The following SCAMP2 variants were observed in gnomAD, a reference collection of about 807,000 sequenced individuals.
SCAMP2 encodes the protein secretory carrier-associated membrane protein 2.
In SCAMP2, 25 loss-of-function variants were observed where a neutral mutation model predicts 44.1. That is an observed-to-expected ratio of 0.57 (90% CI 0.41 to 0.79). SCAMP2 has a LOEUF of 0.79. Among genes scored for constraint, SCAMP2 ranks in the 30% least tolerant of loss-of-function variants. The pLI, the probability that SCAMP2 is intolerant of heterozygous loss-of-function variation, is 0.00. For missense variants in SCAMP2, 355 were observed against 411.0 expected, an observed-to-expected ratio of 0.86 and a Z score of 1.18; for synonymous variants, 156 against 166.0, an observed-to-expected ratio of 0.94 and a Z score of 0.46.
chr15:74,858,473 A>C (rs913203307), intron 1 of SCAMP2, among the ~76,000 whole-genome samples: 3 of 152,150 alleles, frequency 2.0e-5, no homozygotes, highest in Non-Finnish European at 4.4e-5. Flanking sequence ...GAAAAGCTAC[A>C]ATACAGCTCC....
intron 1 of SCAMP2, among the ~76,000 whole-genome samples, chr15:74,862,263 C>CAAAAA (rs1206712618): frequency 0.39 from 5,942 of 15,408 alleles, 2,345 homozygotes; most frequent in Non-Finnish European, 0.5. Flanking sequence ...ACTCTGTCTC[C>CAAAAA]AAAAAAAAAA....
intron 1 of SCAMP2, among the ~76,000 whole-genome samples, chr15:74,859,274 AG>A (rs2064487152): frequency 6.6e-6 from 1 of 152,226 alleles, no homozygotes; most frequent in Non-Finnish European, 1.5e-5. Context: ...TTCAGCAACC[AG>A]CTACAGTGTG....
intron 1 of SCAMP2, among the ~76,000 whole-genome samples, chr15:74,862,833 A>C (rs953723939): frequency 1.1e-3 from 149 of 138,462 alleles, no homozygotes; most frequent in Non-Finnish European, 1.8e-3. Context: ...AAAAAAAAAA[A>C]AAAAACAAAA....
chr15:74,859,021 G>A (rs2064485884), intron 1 of SCAMP2, among the ~76,000 whole-genome samples: 1 of 151,738 alleles, frequency 6.6e-6, no homozygotes, highest in Non-Finnish European at 1.5e-5. Context: ...TGTTAGCCAG[G>A]ATGGTCTTGA....
At chr15:74,863,512 A>C (rs2064522635) in intron 1 of SCAMP2, among the ~76,000 whole-genome samples, 1 of 137,890 alleles carries the variant, frequency 7.3e-6, no homozygotes, top group South Asian at 2.2e-4. Context: ...CCCCATCTCC[A>C]AAAAAAAAAA....
chr15:74,872,230 C>G (rs1376299609), intron 1 of SCAMP2, among the ~76,000 whole-genome samples: 1 of 150,554 alleles, frequency 6.6e-6, no homozygotes, highest in Non-Finnish European at 1.5e-5. Flanking sequence ...CTGGCCAACA[C>G]GGTGAAACCC....
chr15:74,871,579 C>T (rs747628739), intron 1 of SCAMP2, among the ~76,000 whole-genome samples: 8 of 151,874 alleles, frequency 5.3e-5, no homozygotes, highest in African/African-American at 1.2e-4. Flanking sequence ...GTGGAGAAAC[C>T]CCGTCTCTAC....
At chr15:74,870,334 C>G (rs993526804) in intron 1 of SCAMP2, among the ~76,000 whole-genome samples, 1 of 152,192 alleles carries the variant, frequency 6.6e-6, no homozygotes, top group Non-Finnish European at 1.5e-5. Context: ...CCTCTGCTAA[C>G]ACTGGAGCAA....
chr15:74,847,040 T>C (rs900987805), intron 7 of SCAMP2, among the ~76,000 whole-genome samples: 1 of 151,076 alleles, frequency 6.6e-6, no homozygotes, highest in Non-Finnish European at 1.5e-5. Context: ...ATCAATGGAA[T>C]AGAACTGAGA....
intron 1 of SCAMP2, among the ~76,000 whole-genome samples, chr15:74,856,264 CTTTTTT>C (rs34812536): frequency 5.0e-5 from 3 of 60,408 alleles, no homozygotes; most frequent in African/African-American, 6.8e-5. Flanking sequence ...AGAGCCAGTT[CTTTTTT>C]TTTTTTTTTT....
chr15:74,853,663 T>G, intron 3 of SCAMP2: 1 of 380,686 alleles, frequency 2.6e-6, no homozygotes, highest in Non-Finnish European at 5.0e-6. Flanking sequence ...ATTAATGAAG[T>G]TAAAAAAAAG....
chr15:74,853,337 C>G (rs1415510140), intron 3 of SCAMP2: 1 of 448,358 alleles, frequency 2.2e-6, no homozygotes, highest in South Asian at 1.6e-5. Context: ...GGTGCCCTGC[C>G]CTTCCTCCTG....
At chr15:74,845,655 A>G in intron 7 of SCAMP2, 62 bp from the exon 8 acceptor site, 9 of 1,599,004 alleles carry the variant, frequency 5.6e-6, no homozygotes, top group Non-Finnish European at 7.7e-6. Context: ...AGTCAGCATA[A>G]GGGGCTCTTC....
rs550367959 is a variant in SCAMP2, at chr15:74,870,905, C to T, written c.57+2294G>A. Among the ~76,000 whole-genome samples, 109 of 152,320 alleles carry T rather than the reference C, an allele frequency of 7.2e-4. No individual in the cohort carries two copies. The Middle Eastern group carries it at 0.014, about 19-fold the overall frequency. On this transcript the variant is annotated intron_variant, in intron 1 of 8. Transcript: ENST00000268099. ...AGGACTCCTTCAAGGACTTCTCTGA[C>T]ACCTGCAGGAAACTTAAAAGCTGCC... is the stretch of plus-strand genomic sequence containing the variant.
At chr15:74,857,982 G>A (rs2064477951) in intron 1 of SCAMP2, among the ~76,000 whole-genome samples, 1 of 152,218 alleles carries the variant, frequency 6.6e-6, no homozygotes, top group Non-Finnish European at 1.5e-5. Context: ...GGAGGCACCT[G>A]CATCACAGCA....
chr15:74,863,157 C>T (rs1275579931), intron 1 of SCAMP2, among the ~76,000 whole-genome samples: 1 of 151,888 alleles, frequency 6.6e-6, no homozygotes, highest in Non-Finnish European at 1.5e-5. Context: ...CCAGCCTGGC[C>T]AGCATGATGA....
intron 1 of SCAMP2, among the ~76,000 whole-genome samples, chr15:74,854,950 A>C (rs576145508): frequency 6.7e-6 from 1 of 148,940 alleles, no homozygotes; most frequent in East Asian, 2.0e-4. Flanking sequence ...AAAATGGTTC[A>C]TAGTATTTAC....
At chr15:74,866,323 C>T (rs2141181708) in intron 1 of SCAMP2, among the ~76,000 whole-genome samples, 1 of 151,850 alleles carries the variant, frequency 6.6e-6, no homozygotes, top group East Asian at 2.0e-4. Context: ...TGAGGACATG[C>T]CTGGGGGTGC....
intron 1 of SCAMP2, among the ~76,000 whole-genome samples, chr15:74,862,746 A>G (rs1166428303): frequency 6.8e-6 from 1 of 146,546 alleles, no homozygotes; most frequent in Non-Finnish European, 1.5e-5. Context: ...CGTTTGAACC[A>G]GGGAGGTAAA....
Sources: gnomAD v4.1 joint callset for allele counts (sites outside exome capture counted in the v4.1 genomes callset) on GRCh38, gnomAD v4.1.1 for gene constraint, MANE v1.5 for transcripts, NCBI Gene and HGNC (gene_info 2026-07-23, HGNC 2026-07-21) for gene names.